MAGI2: variants seen among roughly 807,000 people sequenced by gnomAD.
MAGI2 encodes membrane associated guanylate kinase, WW and PDZ domain containing 2, also known as membrane-associated guanylate kinase, WW and PDZ domain-containing protein 2.
In MAGI2, 35 loss-of-function variants were observed where a neutral mutation model predicts 133.3. The ratio of observed to expected loss-of-function variants is 0.26; its 90% CI spans 0.20 to 0.35. The LOEUF (loss-of-function observed/expected upper bound fraction) is 0.35. MAGI2 is among the 10% of genes least tolerant of loss of function. MAGI2 has a pLI of 1.00. For synonymous variants in MAGI2, 729 were observed against 710.6 expected (o/e 1.03, Z -0.41); for missense variants, 1,636 against 1,863.4 (o/e 0.88, Z 2.25).
chr7:78,775,195 C>T (rs1297750106), intron 2 of MAGI2, among the ~76,000 whole-genome samples: 10 of 151,608 alleles, frequency 6.6e-5, no homozygotes, highest in Non-Finnish European at 1.3e-4. Context: ...CGCCTGTAGT[C>T]CCAGCTACTC....
intron 1 of MAGI2, among the ~76,000 whole-genome samples, chr7:79,383,937 A>C (rs536125092): frequency 1.3e-5 from 2 of 151,610 alleles, no homozygotes; most frequent in South Asian, 4.1e-4. Context: ...GACTGCAATA[A>C]AATTTAAAAA....
intron 2 of MAGI2, among the ~76,000 whole-genome samples, chr7:78,764,619 T>C (rs1180291978): frequency 1.3e-5 from 2 of 152,202 alleles, no homozygotes; most frequent in Non-Finnish European, 2.9e-5. Flanking sequence ...TTGGTCATAG[T>C]TTGCTTGAGA....
chr7:79,423,113 A>G (rs1003155885), intron 1 of MAGI2, among the ~76,000 whole-genome samples: 1 of 152,106 alleles, frequency 6.6e-6, no homozygotes, highest in African/African-American at 2.4e-5. Context: ...GTCTTCTAAC[A>G]TTATAGCACT....
chr7:78,592,782 C>G (rs1454708183), intron 3 of MAGI2, among the ~76,000 whole-genome samples: 1 of 149,482 alleles, frequency 6.7e-6, no homozygotes, highest in Non-Finnish European at 1.5e-5. Context: ...ACAGACTGTA[C>G]ACATTGTAAA....
intron 16 of MAGI2, among the ~76,000 whole-genome samples, chr7:78,158,903 G>GTAAAA (rs1334423602): frequency 7.2e-5 from 11 of 152,008 alleles, no homozygotes; most frequent in African/African-American, 2.7e-4. Flanking sequence ...GAGATATTTT[G>GTAAAA]CAGACCTTGC....
chr7:79,039,802 T>C (rs1294238445), intron 1 of MAGI2, among the ~76,000 whole-genome samples: 1 of 148,098 alleles, frequency 6.8e-6, no homozygotes, highest in Non-Finnish European at 1.5e-5. Context: ...TATACACATA[T>C]GTATACACAT....
chr7:78,083,387 GGAGAGAGAGAGAGAGAGAGAGA>G (rs747230358), intron 20 of MAGI2, among the ~76,000 whole-genome samples: 6 of 33,300 alleles, frequency 1.8e-4, no homozygotes, highest in African/African-American at 3.9e-4. Context: ...AGGGAGGGGG[GGAGAGAGAGAGAGAGAGAGAGA>G]GAGAGAGAGA....
intron 6 of MAGI2, among the ~76,000 whole-genome samples, chr7:78,489,112 A>G (rs1793350624): frequency 6.6e-6 from 1 of 152,084 alleles, no homozygotes; most frequent in Non-Finnish European, 1.5e-5. Context: ...TATCATCAGT[A>G]ACAGACTTCA....
intron 2 of MAGI2, among the ~76,000 whole-genome samples, chr7:78,787,605 G>A (rs932919100): frequency 2.6e-5 from 4 of 152,250 alleles, no homozygotes; most frequent in Non-Finnish European, 4.4e-5. Flanking sequence ...TTCTACCCCC[G>A]TTACTGCCAA....
At chr7:78,635,868 C>A (rs1469480896) in intron 2 of MAGI2, among the ~76,000 whole-genome samples, 3 of 152,182 alleles carry the variant, frequency 2.0e-5, no homozygotes, top group African/African-American at 4.8e-5. Context: ...TTTACACAAC[C>A]AGCCTAGGCC....
At chr7:79,057,564 A>G (rs1813264570) in intron 1 of MAGI2, among the ~76,000 whole-genome samples, 1 of 152,216 alleles carries the variant, frequency 6.6e-6, no homozygotes, top group Non-Finnish European at 1.5e-5. Context: ...AGGTTGTCTC[A>G]GCCTAGAAGT....
intron 10 of MAGI2, among the ~76,000 whole-genome samples, chr7:78,213,444 G>T (rs1010496931): frequency 6.6e-6 from 1 of 152,176 alleles, no homozygotes; most frequent in Non-Finnish European, 1.5e-5. Context: ...TCAAAAGAGA[G>T]ACATGCTTCT....
intron 2 of MAGI2, among the ~76,000 whole-genome samples, chr7:78,650,181 C>T (rs540877119): frequency 1.3e-5 from 2 of 152,294 alleles, no homozygotes; most frequent in African/African-American, 4.8e-5. Flanking sequence ...ACCGCAAGCA[C>T]TGATACTACA....
chr7:79,328,301 G>A (rs1839840046), intron 1 of MAGI2, among the ~76,000 whole-genome samples: 2 of 152,020 alleles, frequency 1.3e-5, no homozygotes, highest in South Asian at 2.1e-4. Context: ...TATCTTTCCT[G>A]TAATATCAAG....
intron 2 of MAGI2, among the ~76,000 whole-genome samples, chr7:78,801,272 A>G (rs1788035283): frequency 6.6e-6 from 1 of 152,186 alleles, no homozygotes; most frequent in Admixed American, 6.5e-5. Flanking sequence ...ACAGACCCTT[A>G]CTTCAATAAT....
At chr7:78,346,689 A>T (rs896985275) in intron 7 of MAGI2, among the ~76,000 whole-genome samples, 1 of 152,178 alleles carries the variant, frequency 6.6e-6, no homozygotes, top group Non-Finnish European at 1.5e-5. Context: ...GCCCAGCTAA[A>T]CTGAGAGCTT....
intron 1 of MAGI2, among the ~76,000 whole-genome samples, chr7:79,224,110 T>C (rs1004213883): frequency 1.3e-5 from 2 of 152,072 alleles, no homozygotes; most frequent in African/African-American, 2.4e-5. Context: ...AGGAAACTAC[T>C]GGGAATAGGT....
rs1002939700 is a variant in MAGI2, at chr7:78,502,588, TTTG to T, written c.755-804_755-802del. Among the ~76,000 whole-genome samples the T allele has an allele frequency of 2.8e-3, 431 of 152,352 alleles. 2 individuals carry two copies. Among genetic ancestry groups the T allele is most frequent in the African/African-American group, 0.01 (419 of 41,578 alleles). ...GTATATTGTTATGATTATTCTATTA[TTTG>T]TTGTTCTTAATCTCTTACTGCATCT... On this transcript the variant is annotated intron_variant, in intron 4 of 21. Transcript: ENST00000354212.
intron 3 of MAGI2, among the ~76,000 whole-genome samples, chr7:78,540,394 C>T (rs978790922): frequency 6.6e-6 from 1 of 152,130 alleles, no homozygotes; most frequent in Non-Finnish European, 1.5e-5. Context: ...TCACCCAGCC[C>T]CACGTAGCCA....
Sources: allele counts gnomAD v4.1 joint callset (sites outside exome capture counted in the v4.1 genomes callset), GRCh38; gene constraint gnomAD v4.1.1; transcripts MANE v1.5; gene names NCBI Gene and HGNC (gene_info 2026-07-23, HGNC 2026-07-21).